MCF2L2: variants seen among roughly 807,000 people sequenced by gnomAD.
The protein encoded by MCF2L2 is probable guanine nucleotide exchange factor MCF2L2.
In MCF2L2, 102 loss-of-function variants were observed where a neutral mutation model predicts 150.2. The observed-to-expected ratio is 0.68, with a 90% confidence interval of 0.58 to 0.80. The LOEUF (loss-of-function observed/expected upper bound fraction) is 0.80, where lower values mean the gene tolerates loss of function less well. MCF2L2 is among the 30% of genes least tolerant of loss of function. The probability of loss-of-function intolerance (pLI) is 0.00; values close to 1 mark genes in which losing one functional copy is unlikely to be tolerated. For synonymous variants in MCF2L2, 465 were observed against 491.3 expected, an observed-to-expected ratio of 0.95 and a Z score of 0.71; for missense variants, 1,256 against 1,372.8, an observed-to-expected ratio of 0.91 and a Z score of 1.34.
intron 1 of MCF2L2, among the ~76,000 whole-genome samples, chr3:183,426,538 C>A (rs1481317950): frequency 6.6e-6 from 1 of 152,212 alleles, no homozygotes; most frequent in Non-Finnish European, 1.5e-5. Flanking sequence ...TATTTTTCAA[C>A]CTGAGGTCGA....
intron 14 of MCF2L2, among the ~76,000 whole-genome samples, chr3:183,281,883 T>A (rs1310876777): frequency 6.7e-6 from 1 of 148,186 alleles, no homozygotes; most frequent in Non-Finnish European, 1.5e-5. Flanking sequence ...TTTCAAAATT[T>A]TCACAGGGTC....
chr3:183,304,462 A>ATTTTTTTT (rs36115279), intron 10 of MCF2L2, among the ~76,000 whole-genome samples: 6 of 114,094 alleles, frequency 5.3e-5, no homozygotes, highest in South Asian at 3.0e-4. Context: ...CTGGGCAGTG[A>ATTTTTTTT]TTTTTTTTTT....
At chr3:183,355,224 G>A (rs1457615971) in intron 3 of MCF2L2, among the ~76,000 whole-genome samples, 1 of 152,086 alleles carries the variant, frequency 6.6e-6, no homozygotes, top group Non-Finnish European at 1.5e-5. Flanking sequence ...GGATTGTGAG[G>A]AGGAAGCAAG....
At chr3:183,416,683 G>T (rs763440193) in intron 1 of MCF2L2, among the ~76,000 whole-genome samples, 1 of 151,952 alleles carries the variant, frequency 6.6e-6, no homozygotes, top group Non-Finnish European at 1.5e-5. Context: ...CTGTATCCAT[G>T]AATTCAACCA....
chr3:183,411,775 T>C (rs1001041283), intron 1 of MCF2L2, among the ~76,000 whole-genome samples: 2 of 152,204 alleles, frequency 1.3e-5, no homozygotes, highest in African/African-American at 2.4e-5. Flanking sequence ...GGATAACAAA[T>C]GATAGGAAGC....
intron 5 of MCF2L2, among the ~76,000 whole-genome samples, chr3:183,333,125 C>A (rs1014479480): frequency 2.6e-5 from 4 of 152,138 alleles, no homozygotes; most frequent in Non-Finnish European, 5.9e-5. Context: ...CATCTCACTG[C>A]AACCTCCGCC....
At chr3:183,193,357 C>CTTTTTTTTTT (rs765523814) in intron 26 of MCF2L2, among the ~76,000 whole-genome samples, 2 of 139,456 alleles carry the variant, frequency 1.4e-5, no homozygotes, top group African/African-American at 2.8e-5. Context: ...CTTTTTCTTT[C>CTTTTTTTTTT]TTTTTTTTTT....
chr3:183,332,389 G>A (rs1439329888), intron 5 of MCF2L2, among the ~76,000 whole-genome samples: 1 of 149,492 alleles, frequency 6.7e-6, no homozygotes, highest in African/African-American at 2.6e-5. Context: ...AAGCAGGTCA[G>A]GCAGGGAATC....
chr3:183,324,282 C>T (rs939255026), intron 5 of MCF2L2, among the ~76,000 whole-genome samples: 3 of 152,148 alleles, frequency 2.0e-5, no homozygotes, highest in African/African-American at 4.8e-5. Flanking sequence ...AGGAAGCTGA[C>T]GCATCCCCAA....
intron 1 of MCF2L2, among the ~76,000 whole-genome samples, chr3:183,411,080 G>A (rs1308535942): frequency 5.9e-5 from 9 of 152,166 alleles, no homozygotes; most frequent in Non-Finnish European, 1.3e-4. Flanking sequence ...CAGACTCTGA[G>A]GCCAAGACCA....
Position 183,292,347 on chromosome 3 carries a change from G to T in MCF2L2, c.1675+2953C>A, listed in dbSNP as rs183694634. 1.9e-4 allele frequency among the ~76,000 whole-genome samples: 29 copies of T among 152,062 alleles called. No individual in the cohort carries two copies. In the East Asian group the frequency reaches 4.8e-3, roughly 25 times the overall value. On this transcript the variant is annotated intron_variant, in intron 13 of 29. Coordinates refer to ENST00000328913, the MANE Select transcript of MCF2L2 (RefSeq NM_015078.4). Reference sequence around the variant, plus strand: ...AGGCAGGAGGATAGCTTGAGCCCAGGAGTTCGAAACCTGCCTGGACAATAT... The same window carrying T: ...AGGCAGGAGGATAGCTTGAGCCCAGTAGTTCGAAACCTGCCTGGACAATAT...
intron 15 of MCF2L2, among the ~76,000 whole-genome samples, chr3:183,242,891 T>C (rs1724093052): frequency 6.6e-6 from 1 of 152,146 alleles, no homozygotes; most frequent in Admixed American, 6.5e-5. Flanking sequence ...AGGGGCAGAG[T>C]TGCCCAAGGC....
intron 27 of MCF2L2, among the ~76,000 whole-genome samples, chr3:183,191,766 G>A (rs985909401): frequency 1.5e-4 from 23 of 152,046 alleles, no homozygotes; most frequent in East Asian, 3.9e-4. Context: ...AGCATTTGAC[G>A]GCTTCTCTTT....
chr3:183,263,374 C>T (rs1336943267), intron 15 of MCF2L2, among the ~76,000 whole-genome samples: 1 of 152,122 alleles, frequency 6.6e-6, no homozygotes, highest in Non-Finnish European at 1.5e-5. Flanking sequence ...TTAGACCCTC[C>T]TGTAGCACCC....
chr3:183,381,321 A>G (rs1178229991), intron 2 of MCF2L2, among the ~76,000 whole-genome samples: 1 of 152,212 alleles, frequency 6.6e-6, no homozygotes, highest in Non-Finnish European at 1.5e-5. Flanking sequence ...AGAGGAGCAA[A>G]GGCGGGCAGT....
intron 3 of MCF2L2, among the ~76,000 whole-genome samples, chr3:183,351,194 A>G (rs1299168452): frequency 0.025 from 877 of 34,408 alleles, 41 homozygotes; most frequent in African/African-American, 0.1. Context: ...TCTTAAGTAT[A>G]TATATATATA....
intron 3 of MCF2L2, among the ~76,000 whole-genome samples, chr3:183,346,562 G>A (rs149643845): frequency 0.075 from 11,484 of 152,202 alleles, 576 homozygotes; most frequent in Middle Eastern, 0.12. Context: ...TCTGGCCAGG[G>A]CAATGAGGCA....
At chr3:183,215,030 T>C (rs1722864832) in intron 22 of MCF2L2, among the ~76,000 whole-genome samples, 1 of 151,866 alleles carries the variant, frequency 6.6e-6, no homozygotes, top group South Asian at 2.1e-4. Flanking sequence ...GAACCCAACC[T>C]GCCATTGCTG....
chr3:183,392,938 C>T (rs1306681299), intron 1 of MCF2L2, among the ~76,000 whole-genome samples: 2 of 152,246 alleles, frequency 1.3e-5, no homozygotes, highest in African/African-American at 4.8e-5. Flanking sequence ...GGATCTGCTT[C>T]AGATTCAGAC....
Sources: allele counts gnomAD v4.1 joint callset (sites outside exome capture counted in the v4.1 genomes callset), GRCh38; gene constraint gnomAD v4.1.1; transcripts MANE v1.5; gene names NCBI Gene and HGNC (gene_info 2026-07-23, HGNC 2026-07-21).